Variants in RPTOR observed in about 807,000 individuals in gnomAD.
The protein encoded by RPTOR is regulatory-associated protein of mTOR.
RPTOR carries 21 observed loss-of-function variants against 169.9 expected under a neutral mutation model. The ratio of observed to expected loss-of-function variants is 0.12; its 90% confidence interval spans 0.09 to 0.18. RPTOR has a LOEUF of 0.18. Ranked by LOEUF, RPTOR falls within the 10% of genes least tolerant of loss-of-function variation. The pLI is 1.00. For synonymous variants in RPTOR, 732 were observed against 753.2 expected (o/e 0.97, Z 0.46); for missense variants, 1,133 against 1,855.9 (o/e 0.61, Z 7.16).
At chr17:80,736,946 G>T (rs1028355260) in intron 5 of RPTOR, among the ~76,000 whole-genome samples, 4 of 152,214 alleles carry the variant, frequency 2.6e-5, no homozygotes, top group Admixed American at 1.3e-4. Context: ...TTCAAGCAAT[G>T]ATTTTCATAA....
intron 24 of RPTOR, among the ~76,000 whole-genome samples, chr17:80,940,036 A>G (rs1469737027): frequency 1.3e-5 from 2 of 152,192 alleles, no homozygotes; most frequent in Non-Finnish European, 2.9e-5. Context: ...AGGACCCACA[A>G]CAGCCCGTGC....
intron 28 of RPTOR, among the ~76,000 whole-genome samples, chr17:80,952,855 C>CTTTTTTTTTT (rs139746545): frequency 1.0e-5 from 1 of 98,082 alleles, no homozygotes; most frequent in Non-Finnish European, 1.9e-5. Flanking sequence ...TTCTTTTCTT[C>CTTTTTTTTTT]TTTTTTTTTT....
chr17:80,634,610 T>TGC lies in RPTOR; in HGVS notation c.265+8818_265+8819insCG, dbSNP rs1555599984. On this transcript the variant is annotated intron_variant, in intron 2 of 33. Transcript: ENST00000306801. ...GTACTGTGTGTGTGCGTACTGTGTG[T>TGC]GTACTGTGTGCGTGTGCGTACTGTG... 4.9e-4 allele frequency among the ~76,000 whole-genome samples: 8 copies of TGC among 16,180 alleles called. 2 individuals are homozygous for TGC. The highest frequency in any genetic ancestry group is 2.4e-3 in the African/African-American group (7 of 2,900). The allele number at this position is 16,180 out of a possible 152,430, so 10.6% of individuals were successfully genotyped here.
At chr17:80,953,951 C>A (rs1174706039) in intron 28 of RPTOR, among the ~76,000 whole-genome samples, 2 of 152,226 alleles carry the variant, frequency 1.3e-5, no homozygotes, top group East Asian at 1.9e-4. Context: ...TTTCTTCCTG[C>A]CTGGGTTCAG....
intron 7 of RPTOR, among the ~76,000 whole-genome samples, chr17:80,821,697 G>A (rs2067380478): frequency 6.6e-6 from 1 of 152,190 alleles, no homozygotes; most frequent in Non-Finnish European, 1.5e-5. Flanking sequence ...CAGGGCCTGG[G>A]CGCGCGCTGG....
intron 3 of RPTOR, among the ~76,000 whole-genome samples, chr17:80,693,708 C>A (rs2066012216): frequency 6.6e-6 from 1 of 152,232 alleles, no homozygotes; most frequent in Non-Finnish European, 1.5e-5. Context: ...GCCCTGGGTG[C>A]TGTAGGGTCA....
At chr17:80,775,169 T>C (rs1474772890) in intron 6 of RPTOR, among the ~76,000 whole-genome samples, 1 of 152,264 alleles carries the variant, frequency 6.6e-6, no homozygotes, top group Non-Finnish European at 1.5e-5. Context: ...GGAAAGCCTT[T>C]TCTGCAGGGC....
chr17:80,829,540 C>A (rs7215379), intron 9 of RPTOR, among the ~76,000 whole-genome samples: 1 of 152,238 alleles, frequency 6.6e-6, no homozygotes, highest in Non-Finnish European at 1.5e-5. Flanking sequence ...AACCAGACAG[C>A]GGCCTGTAGC....
intron 1 of RPTOR, among the ~76,000 whole-genome samples, chr17:80,579,474 G>A (rs879836547): frequency 1.3e-5 from 2 of 152,226 alleles, no homozygotes; most frequent in African/African-American, 4.8e-5. Context: ...TCATAGGCGT[G>A]AGCCACCATG....
intron 6 of RPTOR, among the ~76,000 whole-genome samples, chr17:80,766,807 G>A (rs778099550): frequency 6.6e-6 from 1 of 150,754 alleles, no homozygotes; most frequent in African/African-American, 2.5e-5. Flanking sequence ...ACTCTCAAAT[G>A]TATGGTCTAA....
At chr17:80,815,080 A>T (rs899957327) in intron 7 of RPTOR, among the ~76,000 whole-genome samples, 1 of 152,256 alleles carries the variant, frequency 6.6e-6, no homozygotes, top group Non-Finnish European at 1.5e-5. Context: ...GGAACAGAAA[A>T]TAGCACCAGG....
chr17:80,714,879 G>A (rs1292426429), intron 4 of RPTOR, among the ~76,000 whole-genome samples: 3 of 152,138 alleles, frequency 2.0e-5, no homozygotes, highest in East Asian at 1.9e-4. Context: ...GTCCACCACC[G>A]TTCCCAGCTA....
chr17:80,891,955 C>T lies in RPTOR; in HGVS notation c.2101+118C>T, dbSNP rs1400970553. On this transcript the variant is annotated intron_variant, in intron 18 of 33. Coordinates refer to ENST00000306801, the MANE Select transcript of RPTOR (RefSeq NM_020761.3). The stretch of plus-strand genomic sequence containing the variant: ...AAGCGCAGGTTTCTCAGATACCTGC[C>T]GCAAGGGGTCCCTGTTTTTCTCATC... The T allele has an allele frequency of 5.4e-5, 32 of 588,100 alleles. No individual in the cohort carries two copies. The Admixed American group carries it at 8.3e-4, about 15-fold the overall frequency. The allele number at this position is 588,100 out of a possible 1,614,324, so 36.4% of individuals were successfully genotyped here. A position where few individuals can be genotyped will look rare whatever the true frequency, so the allele number is the denominator to read the frequency against.
At chr17:80,696,325 T>C (rs976931309) in intron 3 of RPTOR, among the ~76,000 whole-genome samples, 1 of 152,182 alleles carries the variant, frequency 6.6e-6, no homozygotes, top group Non-Finnish European at 1.5e-5. Flanking sequence ...AATATGCAAA[T>C]AGAGTGGGAC....
At chr17:80,703,043 G>C (rs1433576019) in intron 3 of RPTOR, among the ~76,000 whole-genome samples, 4 of 152,168 alleles carry the variant, frequency 2.6e-5, no homozygotes, top group Non-Finnish European at 4.4e-5. Context: ...GCAGATCGAT[G>C]GGCCCGTGCT....
At chr17:80,950,719 G>A (rs975866258) in intron 28 of RPTOR, among the ~76,000 whole-genome samples, 9 of 152,136 alleles carry the variant, frequency 5.9e-5, no homozygotes, top group African/African-American at 1.2e-4. Flanking sequence ...GAGGGGTCCC[G>A]GGAGACAGCT....
chr17:80,680,363 C>T (rs1009896497), intron 3 of RPTOR, among the ~76,000 whole-genome samples: 4 of 152,296 alleles, frequency 2.6e-5, no homozygotes, highest in African/African-American at 7.2e-5. Flanking sequence ...CAGCAGGGCA[C>T]GGTGGCTCAA....
At chr17:80,574,653 C>T (rs1416175720) in intron 1 of RPTOR, among the ~76,000 whole-genome samples, 1 of 151,886 alleles carries the variant, frequency 6.6e-6, no homozygotes, top group Middle Eastern at 3.4e-3. Flanking sequence ...TGCGTCCACT[C>T]TTTTTTGTTG....
At chr17:80,689,422 T>A (rs926613346) in intron 3 of RPTOR, among the ~76,000 whole-genome samples, 13 of 152,218 alleles carry the variant, frequency 8.5e-5, no homozygotes, top group African/African-American at 3.1e-4. Flanking sequence ...GCTGGAGCCC[T>A]CTGCTGAGTG....
Sources: allele counts gnomAD v4.1 joint callset (sites outside exome capture counted in the v4.1 genomes callset), GRCh38; gene constraint gnomAD v4.1.1; transcripts MANE v1.5; gene names NCBI Gene and HGNC (gene_info 2026-07-23, HGNC 2026-07-21).